The following MAP3K7 variants were observed in gnomAD, a reference collection of about 807,000 sequenced individuals.
MAP3K7 encodes TGF-beta activated kinase 1.
MAP3K7 carries 21 observed loss-of-function variants against 84.8 expected under a neutral mutation model. That is an observed-to-expected ratio of 0.25 (90% confidence interval 0.18 to 0.36). The LOEUF (loss-of-function observed/expected upper bound fraction) is 0.36. Ranked by LOEUF, MAP3K7 falls within the 10% of genes least tolerant of loss-of-function variation. MAP3K7 has a pLI of 1.00. For synonymous variants in MAP3K7, 241 were observed against 247.7 expected (o/e 0.97, Z 0.25); for missense variants, 503 against 747.7 (o/e 0.67, Z 3.82).
chr6:90,581,988 C>T (rs546096811), intron 1 of MAP3K7, among the ~76,000 whole-genome samples: 80 of 152,260 alleles, frequency 5.3e-4, no homozygotes, highest in African/African-American at 1.9e-3. Context: ...AGAATATATA[C>T]AAATGCTGCA....
chr6:90,531,652 G>C (rs192855543), intron 13 of MAP3K7, among the ~76,000 whole-genome samples: 30 of 152,138 alleles, frequency 2.0e-4, no homozygotes, highest in Admixed American at 1.8e-3. Flanking sequence ...CAATAGAAAG[G>C]TGTCTGTTCT....
chr6:90,514,111 A>G lies in MAP3K7; in HGVS notation c.*2390T>C, dbSNP rs1477437535. On this transcript the variant is annotated 3_prime_UTR_variant, in exon 17 of 17. Transcript: ENST00000369329. ...CTCAGTGATTGTTTTTGAATTTCTT[A>G]GACTGGGGCATTCCAGCCACTTGCT... The G allele has an allele frequency of 6.6e-6, 1 of 151,996 alleles. No homozygotes were observed. Among genetic ancestry groups the G allele is most frequent in the Non-Finnish European group, 1.5e-5 (1 of 67,946 alleles). 9.4% of individuals were successfully genotyped at this position (151,996 alleles called of 1,614,324 possible). A position where few individuals can be genotyped will look rare whatever the true frequency, so the allele number is the denominator to read the frequency against.
At chr6:90,572,143 G>A (rs1427437643) in intron 1 of MAP3K7, among the ~76,000 whole-genome samples, 1 of 151,910 alleles carries the variant, frequency 6.6e-6, no homozygotes, top group Non-Finnish European at 1.5e-5. Flanking sequence ...CAAGATGAAT[G>A]AGAAGACAGA....
chr6:90,556,787 T>C (rs1350000183), intron 5 of MAP3K7, among the ~76,000 whole-genome samples, 163 bp from the exon 6 acceptor site: 2 of 152,236 alleles, frequency 1.3e-5, no homozygotes, highest in Non-Finnish European at 2.9e-5. Context: ...AAAAGCCTAA[T>C]AGTTCAGAGA....
chr6:90,519,146 C>T, intron 15 of MAP3K7, 112 bp downstream of exon 15: 1 of 679,640 alleles, frequency 1.5e-6, no homozygotes, highest in Non-Finnish European at 2.5e-6. Flanking sequence ...AGGAGGCCAA[C>T]TAAAAGGATA....
At chr6:90,572,093 AAAGTG>A (rs1375060840) in intron 1 of MAP3K7, among the ~76,000 whole-genome samples, 3 of 152,176 alleles carry the variant, frequency 2.0e-5, no homozygotes, top group African/African-American at 7.2e-5. Flanking sequence ...GGAACAAAGT[AAAGTG>A]ATTTGTTAAA....
chr6:90,539,385 A>G (rs1775783648), intron 12 of MAP3K7, among the ~76,000 whole-genome samples: 1 of 151,908 alleles, frequency 6.6e-6, no homozygotes, highest in African/African-American at 2.4e-5. Context: ...AATTTTATTG[A>G]AAGTGAGGTG....
chr6:90,552,955 G>A (rs1156791162), intron 7 of MAP3K7, among the ~76,000 whole-genome samples: 2 of 152,128 alleles, frequency 1.3e-5, no homozygotes, highest in East Asian at 3.9e-4. Flanking sequence ...TTCCTAATCT[G>A]TAAAATGAGG....
At chr6:90,528,526 T>C (rs1775396414) in intron 13 of MAP3K7, among the ~76,000 whole-genome samples, 1 of 152,200 alleles carries the variant, frequency 6.6e-6, no homozygotes, top group Non-Finnish European at 1.5e-5. Context: ...ATTATATGAT[T>C]TTAGGTCTTG....
rs756301309 is a variant in MAP3K7, at chr6:90,523,683, G to C, written c.1457C>G (p.Ser486Cys). 5 of 1,609,148 alleles carry C rather than the reference G, an allele frequency of 3.1e-6. No homozygotes were observed. The highest frequency in any genetic ancestry group is 4.3e-6 in the Non-Finnish European group (5 of 1,175,824). The change falls in exon 14 of 17, where the codon TCC (serine) becomes TGC (cysteine). Residue 486 changes from serine to cysteine, a missense_variant. Physicochemically the swap from Ser to Cys is moderately radical, Grantham distance 112. Around this residue, in one of 5 missense-constraint regions of MAP3K7, gnomAD observed 286 missense variants for 313.6 expected, o/e 0.91. Coordinates refer to ENST00000369329, the MANE Select transcript of MAP3K7 (RefSeq NM_145331.3). ...TGAAGAAACAGACTGGTCACCTGTG[G>C]AATCATCAGGGGTCCATGGATGACT... is the stretch of plus-strand genomic sequence containing the variant. ...TRSHPWTPDDSTDTNGSDNSI... is the reference protein window; with the variant it reads ...TRSHPWTPDDCTDTNGSDNSI...
intron 6 of MAP3K7, 65 bp downstream of exon 6, chr6:90,556,435 A>G (rs1776340815): frequency 6.5e-7 from 1 of 1,541,696 alleles, no homozygotes; most frequent in South Asian, 1.2e-5. Flanking sequence ...GAAAATCTAT[A>G]AAAACATATG....
intron 1 of MAP3K7, among the ~76,000 whole-genome samples, chr6:90,580,146 AG>A (rs1327199192): frequency 6.6e-6 from 1 of 152,260 alleles, no homozygotes; most frequent in South Asian, 2.1e-4. Flanking sequence ...TGGACTGCAA[AG>A]GCCAAGCCTA....
intron 9 of MAP3K7, 152 bp from the exon 10 acceptor site, chr6:90,548,329 C>A: frequency 1.6e-6 from 1 of 643,926 alleles, no homozygotes; most frequent in Non-Finnish European, 2.4e-6. Flanking sequence ...CCAAACAAAC[C>A]CATTTTAAGA....
chr6:90,556,343 G>A (rs1053006478), intron 6 of MAP3K7, among the ~76,000 whole-genome samples, 157 bp downstream of exon 6: 8 of 152,036 alleles, frequency 5.3e-5, no homozygotes, highest in African/African-American at 1.9e-4. Context: ...ATAAAATTTA[G>A]GATATAACAC....
chr6:90,586,702 A>AGG, intron 1 of MAP3K7, 62 bp downstream of exon 1: 1 of 1,541,384 alleles, frequency 6.5e-7, no homozygotes, highest in Admixed American at 2.0e-5. Context: ...CAGAGCCGGC[A>AGG]CCAGGCAGAG....
At chr6:90,545,034 T>TAC (rs1775960990) in intron 11 of MAP3K7, among the ~76,000 whole-genome samples, 1 of 152,132 alleles carries the variant, frequency 6.6e-6, no homozygotes. Context: ...TTGTTTTAAT[T>TAC]ACACAAACAC....
chr6:90,547,131 T>C (rs2127971519), intron 11 of MAP3K7, 127 bp downstream of exon 11: 2 of 970,454 alleles, frequency 2.1e-6, no homozygotes, highest in Non-Finnish European at 3.0e-6. Flanking sequence ...GAAAAATATA[T>C]TGTAAACCTA....
Position 90,516,423 on chromosome 6 carries a change from A to G in MAP3K7, c.*78T>C, listed in dbSNP as rs1235462051. ...CACGCCAAAAAGCTAACACTCATGA[A>G]TCGTCATTATAAGGTTTTCCTTTCC... On this transcript the variant is annotated 3_prime_UTR_variant, in exon 17 of 17. Transcript: ENST00000369329. 1 of 1,450,420 alleles carries G rather than the reference A, an allele frequency of 6.9e-7. No homozygotes were observed. The highest frequency in any genetic ancestry group is 1.4e-5 in the African/African-American group (1 of 69,808). 89.8% of individuals were successfully genotyped at this position (1,450,420 alleles called of 1,614,324 possible).
intron 5 of MAP3K7, among the ~76,000 whole-genome samples, chr6:90,559,295 A>G (rs534559945): frequency 6.6e-6 from 1 of 152,262 alleles, no homozygotes; most frequent in African/African-American, 2.4e-5. Context: ...TGCTTTAACC[A>G]GTATCAAGAG....
Sources: gnomAD v4.1 joint callset for allele counts (sites outside exome capture counted in the v4.1 genomes callset) on GRCh38, gnomAD v4.1.1 for gene constraint, gnomAD v4.1.1 regional missense constraint, MANE v1.5 for transcripts, NCBI Gene and HGNC (gene_info 2026-07-23, HGNC 2026-07-21) for gene names.